The following BABAM2 variants were observed in gnomAD, a reference collection of about 807,000 sequenced individuals.
BABAM2 encodes BRISC and BRCA1-A complex member 2.
A neutral mutation model predicts 54.7 loss-of-function variants in BABAM2; 31 were observed. That is an observed-to-expected ratio of 0.57 (90% CI 0.43 to 0.77). The LOEUF (loss-of-function observed/expected upper bound fraction) is 0.77, where lower values mean the gene tolerates loss of function less well. Among genes scored for constraint, BABAM2 ranks in the 30% least tolerant of loss-of-function variants. The pLI is 0.00. For missense variants in BABAM2, 364 were observed against 455.8 expected (o/e 0.80, Z 1.83); for synonymous variants, 167 against 162.9 (o/e 1.03, Z -0.19).
intron 3 of BABAM2, chr2:27,930,384 A>G (rs1668006786): frequency 6.3e-6 from 1 of 159,580 alleles, no homozygotes; most frequent in Non-Finnish European, 1.4e-5. Flanking sequence ...TGGCTTAGGC[A>G]TATCAACATG....
chr2:27,970,369 G>T (rs1671119017), intron 3 of BABAM2, among the ~76,000 whole-genome samples: 1 of 152,114 alleles, frequency 6.6e-6, no homozygotes, highest in African/African-American at 2.4e-5. Context: ...GGAACAAATT[G>T]TACTATGAGC....
chr2:28,239,426 A>G (rs1180088993), intron 8 of BABAM2, among the ~76,000 whole-genome samples: 2 of 152,202 alleles, frequency 1.3e-5, no homozygotes, highest in Admixed American at 6.5e-5. Flanking sequence ...TGAGAACATT[A>G]TAAGGAATGT....
chr2:28,057,960 A>G (rs1399138074), intron 6 of BABAM2, among the ~76,000 whole-genome samples: 3 of 152,044 alleles, frequency 2.0e-5, no homozygotes, highest in African/African-American at 7.2e-5. Flanking sequence ...TGGCTAACAC[A>G]GTGAAACCCC....
At chr2:28,140,297 C>T (rs1173483352) in intron 7 of BABAM2, among the ~76,000 whole-genome samples, 1 of 152,154 alleles carries the variant, frequency 6.6e-6, no homozygotes, top group African/African-American at 2.4e-5. Context: ...GGTTATAAAA[C>T]AGATGGTCAT....
intron 7 of BABAM2, among the ~76,000 whole-genome samples, chr2:28,143,541 C>T (rs1671242582): frequency 6.6e-6 from 1 of 151,996 alleles, no homozygotes; most frequent in African/African-American, 2.4e-5. Context: ...AAGTGATGAA[C>T]ATATTATTTG....
intron 4 of BABAM2, among the ~76,000 whole-genome samples, chr2:28,023,501 G>A (rs531239806): frequency 6.6e-6 from 1 of 152,320 alleles, no homozygotes; most frequent in South Asian, 2.1e-4. Context: ...GAACAGCTCA[G>A]AAGGAGTTTC....
chr2:27,916,752 T>C (rs1331556056), intron 2 of BABAM2, among the ~76,000 whole-genome samples: 1 of 152,222 alleles, frequency 6.6e-6, no homozygotes, highest in African/African-American at 2.4e-5. Context: ...TAGAGGCCAG[T>C]TGTATTCCAG....
At chr2:28,094,028 A>T (rs1666385693) in intron 6 of BABAM2, among the ~76,000 whole-genome samples, 1 of 152,142 alleles carries the variant, frequency 6.6e-6, no homozygotes, top group Admixed American at 6.6e-5. Context: ...AATAGCCAGG[A>T]GTGTTTTGTA....
At chr2:28,063,759 A>T (rs1350913806) in intron 6 of BABAM2, among the ~76,000 whole-genome samples, 1 of 152,184 alleles carries the variant, frequency 6.6e-6, no homozygotes, top group Non-Finnish European at 1.5e-5. Flanking sequence ...AGCCCCTCCC[A>T]TAGTTTTCCA....
chr2:28,144,648 C>A (rs1039252436), intron 7 of BABAM2, among the ~76,000 whole-genome samples: 1 of 152,124 alleles, frequency 6.6e-6, no homozygotes, highest in African/African-American at 2.4e-5. Context: ...AGATGTCCAC[C>A]GGCCATGGCA....
intron 6 of BABAM2, among the ~76,000 whole-genome samples, chr2:28,072,899 A>G (rs1012747416): frequency 5.9e-5 from 9 of 152,248 alleles, no homozygotes; most frequent in Non-Finnish European, 1.3e-4. Flanking sequence ...TAATTATCAC[A>G]AGGTTAATCT....
intron 4 of BABAM2, among the ~76,000 whole-genome samples, chr2:28,008,927 C>T (rs2148527188): frequency 6.6e-6 from 1 of 152,214 alleles, no homozygotes; most frequent in East Asian, 1.9e-4. Flanking sequence ...AGGTGATATT[C>T]ATTGTTAGAA....
At chr2:28,330,868 C>T (rs1237794762) in intron 11 of BABAM2, among the ~76,000 whole-genome samples, 3 of 152,030 alleles carry the variant, frequency 2.0e-5, no homozygotes, top group African/African-American at 7.3e-5. Flanking sequence ...AAAAAGAGCC[C>T]GTATAGCCAA....
intron 2 of BABAM2, among the ~76,000 whole-genome samples, chr2:27,913,657 C>A (rs923729113): frequency 6.6e-6 from 1 of 151,286 alleles, no homozygotes; most frequent in South Asian, 2.1e-4. Flanking sequence ...ATATTTTATA[C>A]GTATAAAATG....
chr2:28,280,012 T>A (rs1335559731), intron 10 of BABAM2, among the ~76,000 whole-genome samples: 3 of 152,100 alleles, frequency 2.0e-5, no homozygotes, highest in Non-Finnish European at 4.4e-5. Flanking sequence ...CTTTTCTTAT[T>A]TGACTTATAA....
At position 27,995,266 on chromosome 2, in the gene BABAM2, A is replaced by G. The variant is rs1424094378; in HGVS notation, c.300+7179A>G. ...TGAAACAGGCTGGAGGATGAGCACT[A>G]ATAGGTCTTCTGCATGGCTCTGGCA... is the stretch of plus-strand genomic sequence containing the variant. On this transcript the variant is annotated intron_variant, in intron 4 of 11. Coordinates refer to ENST00000379624, the MANE Select transcript of BABAM2 (RefSeq NM_199191.3). This position sits in a 1 kb window ranked among gnomAD's most constrained non-coding sequence, Gnocchi z 4.1. 6.6e-6 allele frequency among the ~76,000 whole-genome samples: 1 copy of G among 152,130 alleles called. No homozygotes were observed. The highest frequency in any genetic ancestry group is 2.4e-5 in the African/African-American group (1 of 41,422).
intron 10 of BABAM2, among the ~76,000 whole-genome samples, chr2:28,280,962 G>T (rs1228240952): frequency 6.6e-6 from 1 of 152,150 alleles, no homozygotes; most frequent in Non-Finnish European, 1.5e-5. Context: ...TCCACATCAG[G>T]CTCTGCTGCA....
chr2:28,267,483 A>T (rs1685084649), intron 10 of BABAM2, among the ~76,000 whole-genome samples: 1 of 152,022 alleles, frequency 6.6e-6, no homozygotes, highest in Admixed American at 6.6e-5. Context: ...TGTATTTTGA[A>T]ATGGTGGTTT....
chr2:27,930,014 T>C, intron 3 of BABAM2, 106 bp downstream of exon 3: 1 of 985,556 alleles, frequency 1.0e-6, no homozygotes, highest in Non-Finnish European at 1.5e-6. Context: ...TCTCCTAAGA[T>C]ATTGTTCACT....
Sources: allele counts gnomAD v4.1 joint callset (sites outside exome capture counted in the v4.1 genomes callset), GRCh38; gene constraint gnomAD v4.1.1; non-coding constraint Gnocchi (gnomAD v3.1); transcripts MANE v1.5; gene names NCBI Gene and HGNC (gene_info 2026-07-23, HGNC 2026-07-21).